The following STXBP5L variants were observed in gnomAD, a reference collection of about 807,000 sequenced individuals.
STXBP5L encodes the protein syntaxin-binding protein 5-like.
Under a neutral mutation model 144.5 loss-of-function variants are expected in STXBP5L, and 65 were observed. The observed-to-expected ratio is 0.45, with a 90% CI of 0.37 to 0.55. The LOEUF is 0.55. Among genes scored for constraint, STXBP5L ranks in the 20% least tolerant of loss-of-function variants. STXBP5L has a pLI of 0.00. For synonymous variants in STXBP5L, 505 were observed against 469.6 expected (o/e 1.08, Z -0.97); for missense variants, 1,298 against 1,405.5 (o/e 0.92, Z 1.22).
chr3:121,145,186 A>C lies in STXBP5L; in HGVS notation c.670-7291A>C, dbSNP rs888486921. 5.9e-5 allele frequency among the ~76,000 whole-genome samples: 9 copies of C among 152,024 alleles called. No individual in the cohort carries two copies. The East Asian group carries it at 1.7e-3, about 29-fold the overall frequency. On this transcript the variant is annotated intron_variant, in intron 7 of 26. Coordinates refer to ENST00000471454, the MANE Select transcript of STXBP5L (RefSeq NM_001308330.2). ...TTCAGTGTTCTTACTACAATAAAAT[A>C]AAATATTAATGGAAAAATCTTAAAT...
intron 19 of STXBP5L, among the ~76,000 whole-genome samples, chr3:121,307,638 G>GA (rs990763412): frequency 2.0e-5 from 3 of 151,620 alleles, no homozygotes; most frequent in Non-Finnish European, 4.4e-5. Flanking sequence ...AGGACAGAGA[G>GA]AAAAAAATAT....
intron 19 of STXBP5L, among the ~76,000 whole-genome samples, chr3:121,298,914 T>G (rs753170994): frequency 6.6e-6 from 1 of 152,234 alleles, no homozygotes; most frequent in Non-Finnish European, 1.5e-5. Context: ...TCATGTTGTG[T>G]GTTTTTTACC....
intron 11 of STXBP5L, among the ~76,000 whole-genome samples, chr3:121,228,938 AT>A (rs1174323697): frequency 1.3e-5 from 2 of 152,222 alleles, no homozygotes; most frequent in Non-Finnish European, 2.9e-5. Flanking sequence ...AGGTGACCAG[AT>A]TTTTAAACTT....
At chr3:121,034,248 A>T (rs189991832) in intron 3 of STXBP5L, among the ~76,000 whole-genome samples, 1 of 152,058 alleles carries the variant, frequency 6.6e-6, no homozygotes, top group East Asian at 1.9e-4. Flanking sequence ...CAAATAATAT[A>T]CCTTATACCC....
chr3:121,095,976 CT>C (rs1352603643), intron 5 of STXBP5L, among the ~76,000 whole-genome samples: 4 of 152,038 alleles, frequency 2.6e-5, no homozygotes, highest in South Asian at 2.1e-4. Context: ...TGTGGTTGTC[CT>C]TTCTTTTTGT....
At chr3:121,216,411 T>A (rs1304362159) in intron 10 of STXBP5L, among the ~76,000 whole-genome samples, 1 of 152,232 alleles carries the variant, frequency 6.6e-6, no homozygotes, top group Non-Finnish European at 1.5e-5. Context: ...CCTTTCTGTT[T>A]GTCAGTTTTC....
intron 19 of STXBP5L, among the ~76,000 whole-genome samples, chr3:121,293,153 T>C (rs904735826): frequency 9.2e-5 from 14 of 152,212 alleles, no homozygotes; most frequent in Non-Finnish European, 1.5e-5. Context: ...AATATACTAT[T>C]GATAACTACT....
At chr3:121,000,059 G>A (rs1576618790) in intron 3 of STXBP5L, among the ~76,000 whole-genome samples, 1 of 152,082 alleles carries the variant, frequency 6.6e-6, no homozygotes, top group Non-Finnish European at 1.5e-5. Context: ...TTCACATTGA[G>A]CTTGGGGAAT....
At chr3:120,951,279 C>A (rs1711203813) in intron 2 of STXBP5L, among the ~76,000 whole-genome samples, 1 of 152,094 alleles carries the variant, frequency 6.6e-6, no homozygotes, top group African/African-American at 2.4e-5. Context: ...AAAGCAATGG[C>A]AACAAAAGCC....
rs564282308 is a variant in STXBP5L at position 121,031,796 on chromosome 3, G to A, written c.288-9904G>A. 1.1e-4 allele frequency among the ~76,000 whole-genome samples: 17 copies of A among 152,242 alleles called. No individual in the cohort carries two copies. The South Asian group carries it at 3.3e-3, about 30-fold the overall frequency. On this transcript the variant is annotated intron_variant, in intron 3 of 26. Coordinates refer to ENST00000471454, the MANE Select transcript of STXBP5L (RefSeq NM_001308330.2). ...TTGCAATGTGAAAGATTTGATAGTA[G>A]CATTAAGAATGGGCAAAAATAGATG...
chr3:121,027,023 A>G (rs1424472388), intron 3 of STXBP5L, among the ~76,000 whole-genome samples: 1 of 151,878 alleles, frequency 6.6e-6, no homozygotes, highest in African/African-American at 2.4e-5. Flanking sequence ...CCATATGCCA[A>G]AGTGGCATAT....
intron 5 of STXBP5L, among the ~76,000 whole-genome samples, chr3:121,086,170 A>T (rs1009292749): frequency 6.6e-6 from 1 of 152,190 alleles, no homozygotes; most frequent in Non-Finnish European, 1.5e-5. Context: ...CCCAAGATGG[A>T]TTAAAGACTT....
chr3:121,018,283 G>C (rs976070865), intron 3 of STXBP5L, among the ~76,000 whole-genome samples: 9 of 152,126 alleles, frequency 5.9e-5, no homozygotes, highest in African/African-American at 2.2e-4. Context: ...TCTTGAAGGA[G>C]AGCAGTTGGG....
At chr3:121,342,032 G>T (rs988454356) in intron 20 of STXBP5L, among the ~76,000 whole-genome samples, 1 of 151,976 alleles carries the variant, frequency 6.6e-6, no homozygotes, top group Non-Finnish European at 1.5e-5. Context: ...ATTGCTTGAT[G>T]TGATAGATAT....
In STXBP5L at chr3:121,167,004, G is replaced by A. The variant is rs565748910; in HGVS notation, c.877+9377G>A. Among the ~76,000 whole-genome samples, 54 of 151,960 alleles carry A rather than the reference G, an allele frequency of 3.6e-4. No homozygotes were observed. The South Asian group carries it at 8.9e-3, about 25-fold the overall frequency. ...AAAACTGTTCAGAAAAAAAACGAAG[G>A]AGCCTAAAAATATGCCAGACTAGAA... On this transcript the variant is annotated intron_variant, in intron 9 of 26. Transcript: ENST00000471454.
At chr3:121,102,010 A>G (rs1252148666) in intron 5 of STXBP5L, among the ~76,000 whole-genome samples, 1 of 152,076 alleles carries the variant, frequency 6.6e-6, no homozygotes, top group Non-Finnish European at 1.5e-5. Flanking sequence ...AACCCAAGAT[A>G]TGAAATATCT....
intron 19 of STXBP5L, among the ~76,000 whole-genome samples, chr3:121,301,687 A>G (rs1406276546): frequency 6.6e-6 from 1 of 152,174 alleles, no homozygotes; most frequent in Non-Finnish European, 1.5e-5. Flanking sequence ...TGGGTTTGTC[A>G]TAGATAGCTC....
intron 9 of STXBP5L, among the ~76,000 whole-genome samples, chr3:121,186,163 G>A (rs1423375228): frequency 6.6e-6 from 1 of 152,128 alleles, no homozygotes; most frequent in African/African-American, 2.4e-5. Context: ...CTGAGACTTT[G>A]CTGAAGTTAC....
At chr3:121,249,148 G>GT (rs993969484) in intron 14 of STXBP5L, among the ~76,000 whole-genome samples, 5 of 151,156 alleles carry the variant, frequency 3.3e-5, no homozygotes, top group South Asian at 2.1e-4. Context: ...ATTTTGAATA[G>GT]TTTTTTTTTC....
Sources: allele counts gnomAD v4.1 joint callset (sites outside exome capture counted in the v4.1 genomes callset), GRCh38; gene constraint gnomAD v4.1.1; transcripts MANE v1.5; gene names NCBI Gene and HGNC (gene_info 2026-07-23, HGNC 2026-07-21).